Variants in PRKG2 observed in about 807,000 individuals in gnomAD.
PRKG2 encodes cGMP-dependent protein kinase 2.
PRKG2 carries 33 observed loss-of-function variants against 97.2 expected under a neutral mutation model. That is an observed-to-expected ratio of 0.34 (90% CI 0.26 to 0.45). The LOEUF (loss-of-function observed/expected upper bound fraction) is 0.45. PRKG2 is among the 20% of genes least tolerant of loss of function. The pLI is 1.00. For missense variants in PRKG2, 638 were observed against 900.0 expected (o/e 0.71, Z 3.73); for synonymous variants, 330 against 321.8 (o/e 1.03, Z -0.27).
chr4:81,177,011 T>C (rs1451411158), intron 2 of PRKG2, among the ~76,000 whole-genome samples: 1 of 152,212 alleles, frequency 6.6e-6, no homozygotes, highest in East Asian at 1.9e-4. Flanking sequence ...GGTATCCTTA[T>C]CATCCCCTAT....
At chr4:81,155,510 A>T (rs1229432880) in intron 6 of PRKG2, among the ~76,000 whole-genome samples, 1 of 152,174 alleles carries the variant, frequency 6.6e-6, no homozygotes, top group African/African-American at 2.4e-5. Context: ...ACTCTGCAGG[A>T]TATTATCCAG....
chr4:81,135,408 AGGG>A, intron 13 of PRKG2, 112 bp from the exon 14 acceptor site: 1 of 1,151,822 alleles, frequency 8.7e-7, no homozygotes, highest in Non-Finnish European at 1.2e-6. Flanking sequence ...AATATTTTGC[AGGG>A]TATCAACAAT....
rs772795762 is a variant in PRKG2 at position 81,092,469 on chromosome 4, G to A, written c.2127-17C>T. 2.0e-5 allele frequency: 11 copies of A among 551,754 alleles called. No homozygotes were observed. Among genetic ancestry groups the A allele is most frequent in the Non-Finnish European group, 3.4e-5 (11 of 325,870 alleles). 34.2% of individuals were successfully genotyped at this position (551,754 alleles called of 1,614,324 possible). A position where few individuals can be genotyped will look rare whatever the true frequency, so the allele number is the denominator to read the frequency against. On this transcript the variant is annotated splice_polypyrimidine_tract_variant and intron_variant, in intron 17 of 18. Transcript: ENST00000264399. ...TTTAACCACCTGAGAAATGAGAAAG[G>A]AAGGAAGGAAGGAAGGAAGGAAGGA... is the stretch of plus-strand genomic sequence containing the variant.
At chr4:81,100,392 C>A (rs188545370) in intron 17 of PRKG2, among the ~76,000 whole-genome samples, 1 of 151,996 alleles carries the variant, frequency 6.6e-6, no homozygotes, top group African/African-American at 2.4e-5. Flanking sequence ...CAGAACAGAG[C>A]CCTCAGAAAT....
intron 14 of PRKG2, among the ~76,000 whole-genome samples, chr4:81,119,677 A>ATT (rs1560552656): frequency 6.8e-6 from 1 of 147,868 alleles, no homozygotes; most frequent in African/African-American, 2.5e-5. Context: ...AACTGAATTG[A>ATT]ATTTTTTTTT....
intron 9 of PRKG2, among the ~76,000 whole-genome samples, chr4:81,144,640 G>A (rs1747658480): frequency 6.7e-6 from 1 of 149,402 alleles, no homozygotes; most frequent in Non-Finnish European, 1.5e-5. Context: ...TAAGTTCTAG[G>A]GTACATGTGC....
In PRKG2 at chr4:81,204,981, T is replaced by C. The variant is rs916856737; in HGVS notation, c.67A>G (p.Thr23Ala). 5.6e-5 allele frequency: 90 copies of C among 1,613,946 alleles called. No homozygotes were observed. Among genetic ancestry groups the C allele is most frequent in the Non-Finnish European group, 7.4e-5 (87 of 1,180,020 alleles). ...HPDGHSGNLT[T>A]DALRNKVTEL... is the part of the protein sequence containing the mutation. ...GTCACCTTGTTCCGCAGAGCATCAG[T>C]GGTGAGGTTCCCAGAGTGTCCATCT... Residue 23 changes from threonine to alanine, a missense_variant, in exon 2 of 19, where the codon ACT becomes GCT. Physicochemically the swap from Thr to Ala is moderately conservative, Grantham distance 58. Transcript: ENST00000264399.
At chr4:81,194,722 A>G (rs1310181441) in intron 2 of PRKG2, among the ~76,000 whole-genome samples, 5 of 152,260 alleles carry the variant, frequency 3.3e-5, no homozygotes, top group Admixed American at 3.3e-4. Flanking sequence ...GACACACTCA[A>G]TGACAGGCAT....
chr4:81,135,089 C>T, intron 14 of PRKG2, 66 bp downstream of exon 14: 1 of 1,453,032 alleles, frequency 6.9e-7, no homozygotes, highest in Non-Finnish European at 9.3e-7. Flanking sequence ...AAAATTGCAA[C>T]TAGAACACAA....
chr4:81,194,390 T>C (rs1268596465), intron 2 of PRKG2, among the ~76,000 whole-genome samples: 3 of 151,226 alleles, frequency 2.0e-5, no homozygotes, highest in African/African-American at 7.3e-5. Context: ...ATAATTGTTT[T>C]TGAGTGATGA....
At chr4:81,108,669 T>C (rs1743603073) in intron 15 of PRKG2, among the ~76,000 whole-genome samples, 1 of 151,852 alleles carries the variant, frequency 6.6e-6, no homozygotes. Context: ...CTGAGATGAG[T>C]GGACTGCTTG....
intron 2 of PRKG2, among the ~76,000 whole-genome samples, chr4:81,177,623 C>T (rs992606905): frequency 6.6e-6 from 1 of 152,028 alleles, no homozygotes; most frequent in South Asian, 2.1e-4. Flanking sequence ...TGGCGTGAAC[C>T]CAGAAGGCGG....
At chr4:81,173,198 A>T (rs1560602042) in intron 3 of PRKG2, among the ~76,000 whole-genome samples, 1 of 152,138 alleles carries the variant, frequency 6.6e-6, no homozygotes, top group Non-Finnish European at 1.5e-5. Flanking sequence ...TAATTATCAA[A>T]TTAATTTGCT....
intron 17 of PRKG2, among the ~76,000 whole-genome samples, chr4:81,095,647 T>G (rs557205413): frequency 6.6e-6 from 1 of 152,258 alleles, no homozygotes; most frequent in Admixed American, 6.5e-5. Flanking sequence ...TAACCACATT[T>G]TAAGTAATGC....
In PRKG2 at chr4:81,174,836, A is replaced by T; in HGVS notation, c.585T>A (p.Ile195=). Reference sequence around the variant, plus strand: ...GGTTTCCTGGTTCTCCTTGCTTAATAATGTAACTCCCTTGCTGATAGTTTC... The same window carrying T: ...GGTTTCCTGGTTCTCCTTGCTTAATTATGTAACTCCCTTGCTGATAGTTTC... The part of the protein sequence containing the change: ...YGRNYQQGSY[I]IKQGEPGNHI... Residue 195 remains isoleucine (I), a synonymous_variant, in exon 3 of 19, where the codon ATT becomes ATA. Transcript: ENST00000264399. 6.2e-7 allele frequency: 1 copy of T among 1,613,102 alleles called. No homozygotes were observed. The highest frequency in any genetic ancestry group is 8.5e-7 in the Non-Finnish European group (1 of 1,179,402).
intron 10 of PRKG2, among the ~76,000 whole-genome samples, chr4:81,143,855 C>G (rs1422841122): frequency 6.6e-6 from 1 of 152,134 alleles, no homozygotes; most frequent in African/African-American, 2.4e-5. Flanking sequence ...TATCCCTGGG[C>G]AATAGATTCC....
At chr4:81,132,274 G>T (rs1162185995) in intron 14 of PRKG2, among the ~76,000 whole-genome samples, 1 of 151,910 alleles carries the variant, frequency 6.6e-6, no homozygotes, top group East Asian at 1.9e-4. Context: ...CTTACCTCTT[G>T]TTTCAAGTAC....
At chr4:81,193,670 T>C (rs1386747539) in intron 2 of PRKG2, among the ~76,000 whole-genome samples, 2 of 151,842 alleles carry the variant, frequency 1.3e-5, no homozygotes, top group East Asian at 3.9e-4. Context: ...TGCAACCCCA[T>C]CTCTACTAAA....
chr4:81,092,317 A>C, intron 18 of PRKG2, 69 bp downstream of exon 18: 2 of 1,081,744 alleles, frequency 1.8e-6, no homozygotes, highest in Non-Finnish European at 2.7e-6. Context: ...ACATACACAC[A>C]TCTAAAATCT....
Sources: allele counts gnomAD v4.1 joint callset (sites outside exome capture counted in the v4.1 genomes callset), GRCh38; gene constraint gnomAD v4.1.1; transcripts MANE v1.5; gene names NCBI Gene and HGNC (gene_info 2026-07-23, HGNC 2026-07-21).